The following LEPR variants were observed in gnomAD, a reference collection of about 807,000 sequenced individuals.
The protein encoded by LEPR is leptin receptor, also known as OB receptor.
In LEPR, 56 loss-of-function variants were observed where a neutral mutation model predicts 114.7. That is an observed-to-expected ratio of 0.49 (90% confidence interval 0.39 to 0.61). The LOEUF is 0.61. Ranked by LOEUF, LEPR falls within the 20% of genes least tolerant of loss-of-function variation. The pLI, the probability that LEPR is intolerant of heterozygous loss-of-function variation, is 0.00. For synonymous variants in LEPR, 443 were observed against 461.4 expected, an observed-to-expected ratio of 0.96 and a Z score of 0.51; for missense variants, 1,202 against 1,352.9, an observed-to-expected ratio of 0.89 and a Z score of 1.75.
intron 2 of LEPR, among the ~76,000 whole-genome samples, chr1:65,547,550 C>G (rs545340231): frequency 4.0e-5 from 6 of 151,580 alleles, no homozygotes; most frequent in Non-Finnish European, 8.8e-5. Flanking sequence ...GTGTATGTGT[C>G]GAGGAATTTA....
intron 2 of LEPR, among the ~76,000 whole-genome samples, chr1:65,518,048 C>G (rs936363469): frequency 1.3e-5 from 2 of 152,190 alleles, no homozygotes; most frequent in African/African-American, 2.4e-5. Context: ...AATGCAGAGT[C>G]CTGTTTCTCC....
chr1:65,424,778 A>G (rs2101678382), intron 1 of LEPR, among the ~76,000 whole-genome samples: 1 of 152,290 alleles, frequency 6.6e-6, no homozygotes, highest in Middle Eastern at 3.4e-3. Context: ...AGAAACACAG[A>G]GAGAGTGTGT....
chr1:65,423,656 C>T (rs985808588), intron 1 of LEPR, among the ~76,000 whole-genome samples: 2 of 151,950 alleles, frequency 1.3e-5, no homozygotes, highest in Non-Finnish European at 2.9e-5. Context: ...GTTTCTTTGT[C>T]CCTTAACATG....
At chr1:65,605,899 C>G (rs1656778649) in intron 11 of LEPR, among the ~76,000 whole-genome samples, 1 of 152,026 alleles carries the variant, frequency 6.6e-6, no homozygotes, top group Admixed American at 6.5e-5. Flanking sequence ...ACTAAGGAAG[C>G]TTTTGTAGAT....
chr1:65,545,772 A>G (rs924473200), intron 2 of LEPR, among the ~76,000 whole-genome samples: 2 of 151,874 alleles, frequency 1.3e-5, no homozygotes, highest in African/African-American at 2.4e-5. Flanking sequence ...GTTCACTCTG[A>G]TGGTAGTTTC....
intron 2 of LEPR, among the ~76,000 whole-genome samples, chr1:65,549,551 A>G (rs1305040149): frequency 6.6e-6 from 1 of 151,882 alleles, no homozygotes; most frequent in African/African-American, 2.4e-5. Flanking sequence ...TTCTCGCTTC[A>G]TTTCATTCAT....
chr1:65,425,413 T>C, intron 2 of LEPR, 35 bp downstream of exon 2: 1 of 1,554,404 alleles, frequency 6.4e-7, no homozygotes, highest in Non-Finnish European at 8.7e-7. Flanking sequence ...TATTCCTCTT[T>C]CTGTGTCTTT....
At chr1:65,435,915 A>G (rs1570444554) in intron 2 of LEPR, 1 of 985,184 alleles carries the variant, frequency 1.0e-6, no homozygotes, top group East Asian at 1.1e-4. Context: ...TCAAATAGCC[A>G]TGCTACCAGC....
At chr1:65,531,370 A>G (rs904733277) in intron 2 of LEPR, among the ~76,000 whole-genome samples, 1 of 151,936 alleles carries the variant, frequency 6.6e-6, no homozygotes, top group Non-Finnish European at 1.5e-5. Flanking sequence ...TTAAAATTCC[A>G]TATCTTCTTA....
chr1:65,455,415 A>G (rs1449750590), intron 2 of LEPR, among the ~76,000 whole-genome samples: 1 of 152,032 alleles, frequency 6.6e-6, no homozygotes, highest in Admixed American at 6.5e-5. Flanking sequence ...TTGTGGTTTT[A>G]TGTACTTTTG....
chr1:65,505,269 G>A (rs1456946998), intron 2 of LEPR, among the ~76,000 whole-genome samples: 1 of 152,022 alleles, frequency 6.6e-6, no homozygotes, highest in Non-Finnish European at 1.5e-5. Flanking sequence ...ACTGACAAAT[G>A]TATCAAGCAT....
At chr1:65,454,183 C>T (rs977471325) in intron 2 of LEPR, among the ~76,000 whole-genome samples, 120 of 151,998 alleles carry the variant, frequency 7.9e-4, no homozygotes, top group Non-Finnish European at 1.1e-3. Flanking sequence ...TGTCTCTGCA[C>T]GTGAGATGGG....
In LEPR at chr1:65,618,274, A is replaced by G. The variant is rs1015215445; in HGVS notation, c.2395+128A>G. On this transcript the variant is annotated intron_variant, in intron 16 of 19. Coordinates refer to ENST00000349533, the MANE Select transcript of LEPR (RefSeq NM_002303.6). ...AGAGGATACTACCATCCTAATACAT[A>G]TAATCCTATAACCTTTATCAAAACA... The G allele has an allele frequency of 4.2e-6, 3 of 707,946 alleles. No homozygotes were observed. In the Admixed American group the frequency reaches 8.4e-5, roughly 20 times the overall value. The allele number at this position is 707,946 out of a possible 1,614,324, so 43.9% of individuals were successfully genotyped here.
rs1657068274 is a variant in LEPR, at chr1:65,610,046, G to A, written c.1852G>A (p.Gly618Arg). 1.3e-5 allele frequency: 21 copies of A among 1,614,098 alleles called. No homozygotes were observed. Among genetic ancestry groups the A allele is most frequent in the Non-Finnish European group, 1.8e-5 (21 of 1,180,030 alleles). Residue 618 changes from glycine (G) to arginine (R), a missense_variant, in exon 13 of 20, where the codon GGA becomes AGA. Physicochemically the swap from Gly to Arg is moderately radical, Grantham distance 125. Transcript: ENST00000349533. ...TCAGGTGCGCTGTAAGAGGCTAGATGGACTGGGATATTGGAGTAATTGGAG... is the reference window on the plus strand; with the variant it reads ...TCAGGTGCGCTGTAAGAGGCTAGATAGACTGGGATATTGGAGTAATTGGAG... ...AVQVRCKRLDGLGYWSNWSNP... is the reference protein window; with the variant it reads ...AVQVRCKRLDRLGYWSNWSNP...
chr1:65,604,829 G>A (rs911867098), intron 10 of LEPR, among the ~76,000 whole-genome samples: 1 of 152,144 alleles, frequency 6.6e-6, no homozygotes, highest in Non-Finnish European at 1.5e-5. Flanking sequence ...AGAATCTAAT[G>A]CCTGGTGATC....
chr1:65,505,424 G>A (rs1192983573), intron 2 of LEPR, among the ~76,000 whole-genome samples: 1 of 152,108 alleles, frequency 6.6e-6, no homozygotes, highest in African/African-American at 2.4e-5. Context: ...TGCTTTGGTG[G>A]ATTCCACCAC....
At chr1:65,464,375 C>A (rs1186155400) in intron 2 of LEPR, among the ~76,000 whole-genome samples, 1 of 152,142 alleles carries the variant, frequency 6.6e-6, no homozygotes, top group Non-Finnish European at 1.5e-5. Flanking sequence ...GGGATGAAGC[C>A]AACTTGATTG....
At chr1:65,551,766 C>G (rs989155175) in intron 2 of LEPR, among the ~76,000 whole-genome samples, 2 of 152,186 alleles carry the variant, frequency 1.3e-5, no homozygotes, top group East Asian at 1.9e-4. Flanking sequence ...TTTGTCTGCT[C>G]TTGCTTCTCT....
intron 2 of LEPR, among the ~76,000 whole-genome samples, chr1:65,491,635 T>C (rs779010449): frequency 6.6e-6 from 1 of 152,108 alleles, no homozygotes; most frequent in Non-Finnish European, 1.5e-5. Flanking sequence ...TCAAGGTATC[T>C]ATGGCGTAAA....
Sources: gnomAD v4.1 joint callset for allele counts (sites outside exome capture counted in the v4.1 genomes callset) on GRCh38, gnomAD v4.1.1 for gene constraint, MANE v1.5 for transcripts, NCBI Gene and HGNC (gene_info 2026-07-23, HGNC 2026-07-21) for gene names.